The following KLHL1 variants were observed in gnomAD, a reference collection of about 807,000 sequenced individuals.
KLHL1 encodes the protein kelch like family member 1, also known as kelch-like protein 1.
Under a neutral mutation model 77.7 loss-of-function variants are expected in KLHL1, and 47 were observed. The ratio of observed to expected loss-of-function variants is 0.60; its 90% CI spans 0.48 to 0.77. KLHL1 has a LOEUF of 0.77. KLHL1 is among the 30% of genes least tolerant of loss of function. KLHL1 has a pLI of 0.00. For missense variants in KLHL1, 925 were observed against 910.8 expected (o/e 1.02, Z -0.20); for synonymous variants, 360 against 325.2 (o/e 1.11, Z -1.15).
In KLHL1 at chr13:69,818,463, C is replaced by T. The variant is rs145879598; in HGVS notation, c.1414+20513G>A. Among the ~76,000 whole-genome samples the T allele has an allele frequency of 9.5e-4, 145 of 152,100 alleles. 1 individual carries two copies. Among genetic ancestry groups the T allele is most frequent in the African/African-American group, 3.3e-3 (136 of 41,454 alleles). On this transcript the variant is annotated intron_variant, in intron 6 of 10. Transcript: ENST00000377844. The stretch of plus-strand genomic sequence containing the variant: ...CTCCATCTCTTGACCTCGTGATCCA[C>T]CCACCTCGGCCTCCCAAAGTGCTGG...
intron 4 of KLHL1, among the ~76,000 whole-genome samples, chr13:69,918,663 G>A (rs1200544413): frequency 6.6e-6 from 1 of 151,990 alleles, no homozygotes; most frequent in Admixed American, 6.6e-5. Context: ...TCCTTAACAA[G>A]ACAATATAAC....
At chr13:69,983,632 T>C (rs1884781605) in intron 1 of KLHL1, among the ~76,000 whole-genome samples, 1 of 134,660 alleles carries the variant, frequency 7.4e-6, no homozygotes, top group Non-Finnish European at 1.5e-5. Flanking sequence ...CTGTGTTTGA[T>C]GGTAAACTCC....
At chr13:69,946,705 G>A (rs1000147514) in intron 3 of KLHL1, among the ~76,000 whole-genome samples, 6 of 151,944 alleles carry the variant, frequency 3.9e-5, no homozygotes, top group Non-Finnish European at 8.8e-5. Context: ...TAGCAATTAG[G>A]TGTTGCTATG....
At chr13:70,078,653 A>G (rs765777336) in intron 1 of KLHL1, among the ~76,000 whole-genome samples, 14 of 152,152 alleles carry the variant, frequency 9.2e-5, no homozygotes, top group Non-Finnish European at 2.1e-4. Flanking sequence ...CTTCAAATCT[A>G]TAAAAGAAGA....
chr13:69,940,306 C>T (rs1883327478), intron 3 of KLHL1, 70 bp from the exon 4 acceptor site: 1 of 1,196,612 alleles, frequency 8.4e-7, no homozygotes, highest in Non-Finnish European at 1.1e-6. Context: ...TAACACTACA[C>T]AAAACATTAG....
intron 1 of KLHL1, among the ~76,000 whole-genome samples, chr13:70,010,573 A>G (rs1885508970): frequency 6.6e-6 from 1 of 152,012 alleles, no homozygotes; most frequent in Non-Finnish European, 1.5e-5. Context: ...AGAGATGGAG[A>G]AAAAATAGGA....
At chr13:69,821,958 G>C (rs1406868178) in intron 6 of KLHL1, among the ~76,000 whole-genome samples, 1 of 152,112 alleles carries the variant, frequency 6.6e-6, no homozygotes. Flanking sequence ...CCAGCACTTT[G>C]AGAGGTCAAG....
At chr13:69,939,710 G>C (rs950659437) in intron 4 of KLHL1, among the ~76,000 whole-genome samples, 48 of 152,190 alleles carry the variant, frequency 3.2e-4, no homozygotes, top group African/African-American at 1.1e-3. Context: ...TATGTGCCCA[G>C]GGAGGGCCTG....
chr13:69,825,858 T>C (rs79781802), intron 6 of KLHL1, among the ~76,000 whole-genome samples: 2,290 of 152,252 alleles, frequency 0.015, 58 homozygotes, highest in African/African-American at 0.053. Context: ...GAAATATTGC[T>C]GATAGGGTAT....
intron 1 of KLHL1, among the ~76,000 whole-genome samples, chr13:70,041,339 T>G (rs912463168): frequency 6.6e-5 from 10 of 152,196 alleles, no homozygotes; most frequent in African/African-American, 2.4e-4. Context: ...AATTTTCTAT[T>G]ACAATAGTAT....
intron 1 of KLHL1, among the ~76,000 whole-genome samples, chr13:70,018,547 A>G (rs1003441777): frequency 1.3e-5 from 2 of 152,214 alleles, no homozygotes; most frequent in African/African-American, 4.8e-5. Flanking sequence ...TTTGAAGTTT[A>G]GGGCCTAGGT....
chr13:69,831,144 A>G (rs1052900572), intron 6 of KLHL1, among the ~76,000 whole-genome samples: 3 of 149,950 alleles, frequency 2.0e-5, no homozygotes. Flanking sequence ...TACAATAGAT[A>G]AGTAAAACAA....
At chr13:70,043,653 T>C (rs1217355934) in intron 1 of KLHL1, among the ~76,000 whole-genome samples, 1 of 152,234 alleles carries the variant, frequency 6.6e-6, no homozygotes, top group Non-Finnish European at 1.5e-5. Flanking sequence ...AACATTGTGT[T>C]ACAATTGCCT....
At chr13:69,826,440 C>T (rs1878551028) in intron 6 of KLHL1, among the ~76,000 whole-genome samples, 1 of 152,054 alleles carries the variant, frequency 6.6e-6, no homozygotes, top group African/African-American at 2.4e-5. Context: ...CAAAAAAACC[C>T]ATAGTGGTGG....
At chr13:70,016,748 G>A (rs949728079) in intron 1 of KLHL1, among the ~76,000 whole-genome samples, 36 of 152,256 alleles carry the variant, frequency 2.4e-4, no homozygotes, top group African/African-American at 5.5e-4. Flanking sequence ...AAAAAGGGGC[G>A]GGTCCCAGGT....
chr13:70,087,882 A>C (rs1887584026), intron 1 of KLHL1, among the ~76,000 whole-genome samples: 1 of 152,094 alleles, frequency 6.6e-6, no homozygotes, highest in African/African-American at 2.4e-5. Flanking sequence ...TGCTCTTTGG[A>C]CAGAGAGGGG....
At chr13:69,969,891 C>T (rs533760441) in intron 2 of KLHL1, among the ~76,000 whole-genome samples, 3 of 152,052 alleles carry the variant, frequency 2.0e-5, no homozygotes, top group African/African-American at 7.2e-5. Flanking sequence ...ACTAGAAAAT[C>T]TCTTATTGAG....
chr13:69,792,729 A>G (rs898333952), intron 7 of KLHL1, among the ~76,000 whole-genome samples: 1 of 152,192 alleles, frequency 6.6e-6, no homozygotes, highest in African/African-American at 2.4e-5. Flanking sequence ...ATCGATATAC[A>G]CTACCTGAAA....
At chr13:69,798,898 C>T (rs1485007174) in intron 6 of KLHL1, among the ~76,000 whole-genome samples, 1 of 151,758 alleles carries the variant, frequency 6.6e-6, no homozygotes, top group East Asian at 1.9e-4. Context: ...CTGTCGAAAC[C>T]CCATCTCCAC....
Sources: gnomAD v4.1 joint callset for allele counts (sites outside exome capture counted in the v4.1 genomes callset) on GRCh38, gnomAD v4.1.1 for gene constraint, MANE v1.5 for transcripts, NCBI Gene and HGNC (gene_info 2026-07-23, HGNC 2026-07-21) for gene names.